SCN10A: variants seen among roughly 807,000 people sequenced by gnomAD.
SCN10A encodes the protein sodium channel protein type 10 subunit alpha.
In SCN10A, 162 loss-of-function variants were observed where a neutral mutation model predicts 170.7. That is an observed-to-expected ratio of 0.95 (90% confidence interval 0.84 to 1.08). SCN10A has a LOEUF of 1.08. Ranked by LOEUF, SCN10A falls within the 50% of genes least tolerant of loss-of-function variation. The probability of loss-of-function intolerance (pLI) is 0.00; values close to 1 mark genes in which losing one functional copy is unlikely to be tolerated. For missense variants in SCN10A, 2,527 were observed against 2,436.9 expected, an observed-to-expected ratio of 1.04 and a Z score of -0.78; for synonymous variants, 985 against 904.6, an observed-to-expected ratio of 1.09 and a Z score of -1.59.
chr3:38,795,099 T>G (rs192827045), intron 1 of SCN10A, among the ~76,000 whole-genome samples: 1 of 152,264 alleles, frequency 6.6e-6, no homozygotes, highest in East Asian at 1.9e-4. Flanking sequence ...TTCCTCCAAC[T>G]TTAAAAACTT....
At position 38,732,082 on chromosome 3, in the gene SCN10A, G is replaced by A. The variant is rs116592903; in HGVS notation, c.2281-3181C>T. On this transcript the variant is annotated intron_variant, in intron 15 of 27. Coordinates refer to ENST00000449082, the MANE Select transcript of SCN10A (RefSeq NM_006514.4). ...TAAAGAGCAAGAAAGTGCTAAGCAT[G>A]AGAGTGAATCTAAATAAACATTGAG... Among the ~76,000 whole-genome samples the A allele has an allele frequency of 8.5e-3, 1,301 of 152,340 alleles. 20 individuals carry two copies. The highest frequency in any genetic ancestry group is 0.029 in the African/African-American group (1,219 of 41,574).
chr3:38,763,542 T>C lies in SCN10A; in HGVS notation c.654A>G (p.Arg218=). ...LRGISGLRTF[R]VLRALKTVSV... ...AAACTGTTTTTAATGCTCTAAGAAC[T>C]CTGAATGTCCGCAGGCCTGAGATCC... Residue 218 remains arginine, a synonymous_variant, in exon 6 of 28, where the codon AGA becomes AGG. Transcript: ENST00000449082. 6.2e-7 allele frequency: 1 copy of C among 1,614,112 alleles called. No individual in the cohort carries two copies. The highest frequency in any genetic ancestry group is 8.5e-7 in the Non-Finnish European group (1 of 1,179,972).
At chr3:38,763,899 G>T (rs12497173) in intron 5 of SCN10A, among the ~76,000 whole-genome samples, 113,045 of 152,174 alleles carry the variant, frequency 0.74, 42,544 homozygotes, top group East Asian at 0.86. Context: ...GAAGGAGACC[G>T]CCATGTCAGG....
Position 38,760,673 on chromosome 3 carries a change from G to A in SCN10A, c.950+8C>T. ...GCACTCGTGCTTTGTCATAAGTTGG[G>A]AACTCACCCTGAGTCAGATCCATTG... On this transcript the variant is annotated splice_region_variant and intron_variant, in intron 8 of 27. Transcript: ENST00000449082. 2.5e-6 allele frequency: 4 copies of A among 1,611,726 alleles called. No individual in the cohort carries two copies. Among genetic ancestry groups the A allele is most frequent in the Non-Finnish European group, 2.5e-6 (3 of 1,177,820 alleles).
intron 17 of SCN10A, among the ~76,000 whole-genome samples, chr3:38,725,804 G>C (rs1221151821): frequency 6.6e-6 from 1 of 152,266 alleles, no homozygotes. Context: ...AGCTGTCACA[G>C]AGTTCATGCT....
chr3:38,712,139 G>T (rs752560435), intron 23 of SCN10A, 22 bp downstream of exon 23: 1 of 1,611,438 alleles, frequency 6.2e-7, no homozygotes, highest in Non-Finnish European at 8.5e-7. Context: ...AAGAGATATG[G>T]TTGATCTCAT....
At chr3:38,757,186 C>T (rs1443611629) in intron 8 of SCN10A, 27 bp from the exon 9 acceptor site, 1 of 1,566,038 alleles carries the variant, frequency 6.4e-7, no homozygotes, top group Non-Finnish European at 8.6e-7. Context: ...GAAGGTCATC[C>T]CCTGCTTATT....
chr3:38,768,877 G>A (rs2063965296), intron 5 of SCN10A, among the ~76,000 whole-genome samples: 1 of 151,976 alleles, frequency 6.6e-6, no homozygotes. Flanking sequence ...ATTCTTCCTT[G>A]GGAACACCCA....
At chr3:38,767,080 T>C (rs2063940947) in intron 5 of SCN10A, among the ~76,000 whole-genome samples, 1 of 152,114 alleles carries the variant, frequency 6.6e-6, no homozygotes, top group Non-Finnish European at 1.5e-5. Flanking sequence ...AGTTGTAATA[T>C]CTCCCATTTT....
chr3:38,750,556 T>A (rs2063736892), intron 12 of SCN10A, among the ~76,000 whole-genome samples: 1 of 152,222 alleles, frequency 6.6e-6, no homozygotes, highest in African/African-American at 2.4e-5. Flanking sequence ...AGTCACTATT[T>A]ATTGTTATCT....
chr3:38,731,840 T>G (rs973929651), intron 15 of SCN10A, among the ~76,000 whole-genome samples: 3 of 152,178 alleles, frequency 2.0e-5, no homozygotes, highest in African/African-American at 7.2e-5. Flanking sequence ...CAAATCCCGG[T>G]ATCCACCCAC....
At chr3:38,701,230 T>C (rs2063152929) in intron 27 of SCN10A, among the ~76,000 whole-genome samples, 1 of 152,226 alleles carries the variant, frequency 6.6e-6, no homozygotes, top group Non-Finnish European at 1.5e-5. Context: ...CCCAAAATAC[T>C]GGGCCTGTCA....
chr3:38,792,384 G>C (rs1360268652), intron 2 of SCN10A, among the ~76,000 whole-genome samples: 1 of 152,128 alleles, frequency 6.6e-6, no homozygotes, highest in Non-Finnish European at 1.5e-5. Flanking sequence ...CCTCATCTCT[G>C]GGACTGACAG....
Position 38,697,532 on chromosome 3 carries a change from T to C in SCN10A, c.5688A>G (p.Ala1896=). ...AASLPDEGFV[A]FTANENCVLP... The stretch of plus-strand genomic sequence containing the variant: ...GTACACAATTTTCATTTGCTGTGAA[T>C]GCAACAAAACCTTCATCTGGGAGTG... The change falls in exon 28 of 28, where the codon GCA becomes GCG. Residue 1896 remains alanine, a synonymous_variant. Transcript: ENST00000449082. 2.5e-6 allele frequency: 4 copies of C among 1,614,214 alleles called. No individual in the cohort carries two copies. The highest frequency in any genetic ancestry group is 1.7e-5 in the Admixed American group (1 of 60,028).
At chr3:38,743,829 T>C (rs1289168996) in intron 13 of SCN10A, among the ~76,000 whole-genome samples, 1 of 152,194 alleles carries the variant, frequency 6.6e-6, no homozygotes, top group African/African-American at 2.4e-5. Context: ...ACCATCTCTA[T>C]GCCAATTCCC....
intron 20 of SCN10A, among the ~76,000 whole-genome samples, chr3:38,719,745 C>T (rs2063371040): frequency 6.6e-6 from 1 of 152,164 alleles, no homozygotes; most frequent in Admixed American, 6.5e-5. Flanking sequence ...TGTGTGAAGC[C>T]AAATTGGCAA....
intron 22 of SCN10A, among the ~76,000 whole-genome samples, chr3:38,713,561 C>T (rs1442985610): frequency 6.6e-6 from 1 of 152,108 alleles, no homozygotes; most frequent in Admixed American, 6.5e-5. Context: ...TTAGGACATG[C>T]AGCACCACCA....
intron 4 of SCN10A, among the ~76,000 whole-genome samples, chr3:38,788,498 G>C (rs766468653): frequency 3.3e-5 from 5 of 151,958 alleles, no homozygotes; most frequent in Non-Finnish European, 7.4e-5. Context: ...AGAGCCATTT[G>C]TTCTTAGTTC....
Position 38,793,860 on chromosome 3 carries a change from G to A in SCN10A, c.151C>T (p.Pro51Ser), listed in dbSNP as rs368312678. The change falls in exon 2 of 28, where the codon CCT (proline) becomes TCT (serine). Residue 51 changes from proline (P) to serine (S), a missense_variant. Pro to Ser is a moderately conservative substitution (Grantham distance 74). Transcript: ENST00000449082. ...GCTTTCAAGTCCAGCTGGGGCCGAG[G>A]CTTCTCTTCTTGGTCCTTCTGCTCC... ...HREQKDQEEKPRPQLDLKACN... is the reference protein window; with the variant it reads ...HREQKDQEEKSRPQLDLKACN... The A allele has an allele frequency of 1.2e-6, 2 of 1,613,936 alleles. No individual in the cohort carries two copies. Among genetic ancestry groups the A allele is most frequent in the South Asian group, 2.2e-5 (2 of 91,090 alleles).
Sources: gnomAD v4.1 joint callset for allele counts (sites outside exome capture counted in the v4.1 genomes callset) on GRCh38, gnomAD v4.1.1 for gene constraint, MANE v1.5 for transcripts, NCBI Gene and HGNC (gene_info 2026-07-23, HGNC 2026-07-21) for gene names.